SOX6: variants seen among roughly 807,000 people sequenced by gnomAD.
The protein encoded by SOX6 is SRY-box transcription factor 6.
In SOX6, 11 loss-of-function variants were observed where a neutral mutation model predicts 97.8. The observed-to-expected ratio is 0.11, with a 90% CI of 0.07 to 0.19. The LOEUF (loss-of-function observed/expected upper bound fraction) is 0.19, where lower values mean the gene tolerates loss of function less well. SOX6 is among the 10% of genes least tolerant of loss of function. SOX6 has a pLI of 1.00. For missense variants in SOX6, 810 were observed against 1,039.5 expected, an observed-to-expected ratio of 0.78 and a Z score of 3.04; for synonymous variants, 360 against 371.4, an observed-to-expected ratio of 0.97 and a Z score of 0.35.
chr11:16,535,666 T>G (rs1207049736), intron 4 of SOX6, among the ~76,000 whole-genome samples: 3 of 152,096 alleles, frequency 2.0e-5, no homozygotes, highest in African/African-American at 7.2e-5. Flanking sequence ...GGTGAGACCC[T>G]GTCTTAACAA....
chr11:16,132,384 A>G (rs1849798594), intron 6 of SOX6, among the ~76,000 whole-genome samples: 1 of 99,832 alleles, frequency 1.0e-5, no homozygotes, highest in East Asian at 4.2e-4. Context: ...GAAAGAAAGA[A>G]AGAAAGAAAG....
At chr11:16,527,902 C>G (rs1355348506) in intron 4 of SOX6, among the ~76,000 whole-genome samples, 1 of 152,054 alleles carries the variant, frequency 6.6e-6, no homozygotes. Context: ...CTCCAAAACA[C>G]AAAAATTGGT....
At chr11:16,619,422 T>A (rs1286272400) in intron 3 of SOX6, among the ~76,000 whole-genome samples, 1 of 151,968 alleles carries the variant, frequency 6.6e-6, no homozygotes, top group Non-Finnish European at 1.5e-5. Context: ...TCCTGCCCCA[T>A]GCCTAGTAAC....
At chr11:15,974,636 C>T (rs1338781478) in intron 15 of SOX6, among the ~76,000 whole-genome samples, 1 of 148,098 alleles carries the variant, frequency 6.8e-6, no homozygotes, top group Non-Finnish European at 1.5e-5. Context: ...TGAGAATATG[C>T]GGTGTTTGGT....
chr11:16,582,933 A>G (rs941080892), intron 4 of SOX6, among the ~76,000 whole-genome samples: 2 of 152,192 alleles, frequency 1.3e-5, no homozygotes, highest in African/African-American at 4.8e-5. Flanking sequence ...GGAGCTTGCT[A>G]TTCATTTCAC....
At chr11:16,663,496 CA>C (rs1847781863) in intron 3 of SOX6, among the ~76,000 whole-genome samples, 1 of 152,004 alleles carries the variant, frequency 6.6e-6, no homozygotes, top group African/African-American at 2.4e-5. Context: ...CTAATTTTTG[CA>C]TTTTTTGCAG....
intron 4 of SOX6, among the ~76,000 whole-genome samples, chr11:16,501,903 G>A (rs1243284805): frequency 6.6e-6 from 1 of 152,194 alleles, no homozygotes; most frequent in East Asian, 1.9e-4. Flanking sequence ...AGTCAGTGTG[G>A]CGATTCCTCA....
At chr11:16,431,401 T>G (rs1195220045) in intron 1 of SOX6, among the ~76,000 whole-genome samples, 1 of 152,080 alleles carries the variant, frequency 6.6e-6, no homozygotes, top group African/African-American at 2.4e-5. Flanking sequence ...GATGATAACT[T>G]CCATACAACA....
chr11:16,144,772 C>T (rs948667860), intron 6 of SOX6, among the ~76,000 whole-genome samples: 4 of 152,180 alleles, frequency 2.6e-5, no homozygotes, highest in African/African-American at 9.7e-5. Flanking sequence ...AATTCCTCGA[C>T]ACATACACCC....
In SOX6 at chr11:16,675,250, A is replaced by G. The variant is rs142513392; in HGVS notation, n.429+39580T>C. On this transcript the variant is annotated intron_variant and non_coding_transcript_variant, in intron 3 of 5. Coordinates refer to the SOX6 transcript ENST00000524520. ...CTGCAACATTGAACTCCTTGGTTCA[A>G]ATGATCCTCCTGCTTCAGCCTCCCA... is the stretch of plus-strand genomic sequence containing the variant. 3.6e-4 allele frequency among the ~76,000 whole-genome samples: 55 copies of G among 152,338 alleles called. 1 individual carries two copies. The East Asian group carries it at 0.01, about 28-fold the overall frequency.
chr11:16,699,844 C>T (rs1848080169), intron 3 of SOX6, among the ~76,000 whole-genome samples: 1 of 152,170 alleles, frequency 6.6e-6, no homozygotes, highest in African/African-American at 2.4e-5. Flanking sequence ...CTTTGTCACA[C>T]AGAATGCAAA....
intron 12 of SOX6, chr11:16,031,435 G>C (rs1225854804): frequency 6.6e-6 from 1 of 152,188 alleles, no homozygotes; most frequent in African/African-American, 2.4e-5. Context: ...CCCCTAGGCT[G>C]TGCAACTGTT....
At chr11:16,153,619 C>T (rs771933680) in intron 6 of SOX6, among the ~76,000 whole-genome samples, 7 of 152,140 alleles carry the variant, frequency 4.6e-5, no homozygotes, top group Non-Finnish European at 7.4e-5. Context: ...CCAACAGACT[C>T]AACCTATCTC....
chr11:16,041,417 G>C (rs1855659964), intron 12 of SOX6, among the ~76,000 whole-genome samples: 1 of 152,076 alleles, frequency 6.6e-6, no homozygotes, highest in Non-Finnish European at 1.5e-5. Context: ...TATTACATCA[G>C]TGTAATACTG....
Position 16,422,086 on chromosome 11 carries a change from C to A in SOX6, c.-5+54229G>T, listed in dbSNP as rs182711891. 1.1e-3 allele frequency among the ~76,000 whole-genome samples: 170 copies of A among 152,218 alleles called. 1 individual carries two copies. The highest frequency in any genetic ancestry group is 6.8e-3 in the Middle Eastern group (2 of 294). ...ACCATGTCATTTCAAGATACTGCTGCATTACTGAAATAAGGACATACGAAA... is the reference window on the plus strand; with the variant it reads ...ACCATGTCATTTCAAGATACTGCTGAATTACTGAAATAAGGACATACGAAA... On this transcript the variant is annotated intron_variant, in intron 1 of 15. Transcript: ENST00000396356.
chr11:16,536,640 G>A (rs7925144), intron 4 of SOX6, among the ~76,000 whole-genome samples: 16,042 of 152,304 alleles, frequency 0.11, 918 homozygotes, highest in Non-Finnish European at 0.14. Flanking sequence ...CGGCAGACCA[G>A]GAGATTCCCT....
chr11:16,674,291 AC>A (rs1847869839), intron 3 of SOX6, among the ~76,000 whole-genome samples: 1 of 152,110 alleles, frequency 6.6e-6, no homozygotes, highest in South Asian at 2.1e-4. Flanking sequence ...AGAATGAAGG[AC>A]AAAAACCATA....
intron 3 of SOX6, among the ~76,000 whole-genome samples, chr11:16,656,897 C>G (rs1343417327): frequency 6.6e-6 from 1 of 152,138 alleles, no homozygotes; most frequent in Non-Finnish European, 1.5e-5. Context: ...CTCACAGTTT[C>G]CCCTATTATT....
At chr11:16,635,264 A>C (rs1241871422) in intron 3 of SOX6, among the ~76,000 whole-genome samples, 1 of 152,212 alleles carries the variant, frequency 6.6e-6, no homozygotes, top group Non-Finnish European at 1.5e-5. Context: ...GGAGGTTCCT[A>C]GAGACTTGTT....
Sources: allele counts gnomAD v4.1 joint callset (sites outside exome capture counted in the v4.1 genomes callset), GRCh38; gene constraint gnomAD v4.1.1; transcripts MANE v1.5; gene names NCBI Gene and HGNC (gene_info 2026-07-23, HGNC 2026-07-21).